Variants in GPM6B observed in about 807,000 individuals in gnomAD.
GPM6B encodes glycoprotein M6B.
A neutral mutation model predicts 27.2 loss-of-function variants in GPM6B; 4 were observed. The ratio of observed to expected loss-of-function variants is 0.15; its 90% CI spans 0.07 to 0.34. The LOEUF (loss-of-function observed/expected upper bound fraction) is 0.34, where lower values mean the gene tolerates loss of function less well. Among genes scored for constraint, GPM6B ranks in the 10% least tolerant of loss-of-function variants. The pLI is 1.00. For missense variants in GPM6B, 183 were observed against 261.9 expected (o/e 0.70, Z 2.08); for synonymous variants, 124 against 103.1 (o/e 1.20, Z -1.23).
intron 2 of GPM6B, among the ~76,000 whole-genome samples, chrX:13,793,658 G>A (rs2048756181): frequency 8.9e-6 from 1 of 112,187 alleles, no homozygotes; most frequent in Admixed American, 9.5e-5. Context: ...TAGAGCAGAG[G>A]TTCTCCATTT....
At chrX:13,905,827 T>G (rs1371791770) in intron 1 of GPM6B, among the ~76,000 whole-genome samples, 1 of 110,860 alleles carries the variant, frequency 9.0e-6, no homozygotes, top group Non-Finnish European at 1.9e-5. Flanking sequence ...TGATCTTGGA[T>G]GTGAGAAGAT....
At chrX:13,877,059 T>C (rs1344875333) in intron 1 of GPM6B, among the ~76,000 whole-genome samples, 1 of 111,102 alleles carries the variant, frequency 9.0e-6, no homozygotes, top group African/African-American at 3.3e-5. Flanking sequence ...GACACTTCCC[T>C]GACCTTACAC....
intron 2 of GPM6B, among the ~76,000 whole-genome samples, chrX:13,786,499 T>C (rs1430858269): frequency 9.0e-6 from 1 of 110,818 alleles, no homozygotes; most frequent in Non-Finnish European, 1.9e-5. Flanking sequence ...TCAGAAATTA[T>C]CTCAAATTTT....
rs763194245 is a variant in GPM6B at position 13,799,190 on chromosome X, A to AT, written c.181+8459dup. Reference sequence around the variant, plus strand: ...CTAGAAACCTCGATTAGCCAACCTAATTTTTTTTTTTTTTTTTTTTTTTTT... The same window carrying AT: ...CTAGAAACCTCGATTAGCCAACCTAATTTTTTTTTTTTTTTTTTTTTTTTTT... On this transcript the variant is annotated intron_variant, in intron 2 of 7. Transcript: ENST00000316715. Among the ~76,000 whole-genome samples the AT allele has an allele frequency of 2.5e-3, 90 of 35,971 alleles. 14 individuals are homozygous for AT. Among genetic ancestry groups the AT allele is most frequent in the Non-Finnish European group, 3.2e-3 (68 of 21,476 alleles). 31.2% of individuals were successfully genotyped at this position (35,971 alleles called of 115,157 possible). A position where few individuals can be genotyped will look rare whatever the true frequency, so the allele number is the denominator to read the frequency against.
chrX:13,841,199 T>A lies in GPM6B; in HGVS notation c.-197-55391A>T, dbSNP rs1219198749. ...CATACTTTCACTTAAATATTTCACATCCTCCTAAACTCAGTATGATAAGTT... is the reference window on the plus strand; with the variant it reads ...CATACTTTCACTTAAATATTTCACAACCTCCTAAACTCAGTATGATAAGTT... On this transcript the variant is annotated intron_variant, in intron 1 of 6. Transcript: ENST00000398361. 6.3e-5 allele frequency among the ~76,000 whole-genome samples: 7 copies of A among 111,853 alleles called. No homozygotes were observed. In the East Asian group the frequency reaches 2.0e-3, roughly 32 times the overall value.
At chrX:13,888,535 C>T (rs2050159103) in intron 1 of GPM6B, among the ~76,000 whole-genome samples, 1 of 111,573 alleles carries the variant, frequency 9.0e-6, no homozygotes, top group Admixed American at 9.5e-5. Flanking sequence ...AGGCTCTCGG[C>T]GAGGGCAAAC....
intron 6 of GPM6B, 147 bp from the exon 7 acceptor site, chrX:13,776,450 C>T (rs1224694199): frequency 4.5e-6 from 2 of 446,355 alleles, no homozygotes; most frequent in African/African-American, 2.4e-5. Context: ...GCTCTGGCCT[C>T]ATGGTGGAAT....
chrX:13,847,883 T>C (rs2049668392), intron 1 of GPM6B, among the ~76,000 whole-genome samples: 2 of 111,952 alleles, frequency 1.8e-5, no homozygotes, highest in Admixed American at 1.9e-4. Flanking sequence ...ATAAAGAAAT[T>C]TAAAGCAGTG....
At chrX:13,785,551 T>C (rs2048594408) in intron 3 of GPM6B, 71 bp downstream of exon 3, 1 of 1,030,940 alleles carries the variant, frequency 9.7e-7, no homozygotes, top group South Asian at 2.1e-5. Flanking sequence ...GCCTCCCAAA[T>C]TGCTGGGATG....
At chrX:13,902,180 C>T (rs2050288201) in intron 1 of GPM6B, among the ~76,000 whole-genome samples, 1 of 111,726 alleles carries the variant, frequency 9.0e-6, no homozygotes, top group South Asian at 3.8e-4. Flanking sequence ...TACAGAAATA[C>T]AAATAAGATC....
intron 1 of GPM6B, among the ~76,000 whole-genome samples, chrX:13,909,120 C>CTTTTTTTTTT (rs368081524): frequency 4.3e-5 from 3 of 69,858 alleles, no homozygotes; most frequent in African/African-American, 1.2e-4. Flanking sequence ...TGTTCATATC[C>CTTTTTTTTTT]TTTTTTTTTT....
intron 6 of GPM6B, 93 bp downstream of exon 6, chrX:13,777,259 T>C: frequency 1.6e-6 from 1 of 631,240 alleles, no homozygotes. Flanking sequence ...CTTAATGGCA[T>C]TTTAACCATC....
Position 13,785,610 on chromosome X carries a change from C to G in GPM6B, c.368+12G>C, listed in dbSNP as rs752742362. On this transcript the variant is annotated intron_variant, in intron 3 of 7. Transcript: ENST00000316715. ...GCCTTAGATGCATTTTTAAAGGGAA[C>G]CGGATACTTACACCTCGCTCAGCAA... 34 of 1,205,775 alleles carry G rather than the reference C, an allele frequency of 2.8e-5. No homozygotes were observed. The Admixed American group carries it at 7.0e-4, about 25-fold the overall frequency.
rs188425002 is a variant in GPM6B, at chrX:13,823,960, C to T, written c.-197-38152G>A. Among the ~76,000 whole-genome samples the T allele has an allele frequency of 5.3e-5, 6 of 112,569 alleles. No homozygotes were observed. The East Asian group carries it at 8.4e-4, about 16-fold the overall frequency. ...AATGGGCACAGCACAGGCAGTACTG[C>T]GGCATGAGGGGGCATGTGCCTCCTC... On this transcript the variant is annotated intron_variant, in intron 1 of 6. Transcript: ENST00000398361.
intron 2 of GPM6B, among the ~76,000 whole-genome samples, chrX:13,802,469 C>T (rs1251847651): frequency 9.0e-6 from 1 of 110,861 alleles, no homozygotes; most frequent in Non-Finnish European, 1.9e-5. Context: ...AACAATATAG[C>T]GCATAAACAA....
intron 1 of GPM6B, among the ~76,000 whole-genome samples, chrX:13,816,573 T>TC (rs954864057): frequency 3.6e-5 from 4 of 110,919 alleles, no homozygotes; most frequent in African/African-American, 1.3e-4. Context: ...AAAGACAGTT[T>TC]CCCCAATGCA....
At chrX:13,806,586 G>C (rs771704437) in intron 2 of GPM6B, among the ~76,000 whole-genome samples, 65 of 111,694 alleles carry the variant, frequency 5.8e-4, no homozygotes, top group African/African-American at 2.0e-3. Context: ...TAAATCCAAC[G>C]TCAGATTTCA....
chrX:13,886,719 T>TAAAAAAA lies in GPM6B; in HGVS notation c.-198+51601_-198+51607dup, dbSNP rs5901522. 2.1e-3 allele frequency among the ~76,000 whole-genome samples: 75 copies of TAAAAAAA among 35,099 alleles called. 6 individuals carry two copies. Among genetic ancestry groups the TAAAAAAA allele is most frequent in the African/African-American group, 0.013 (66 of 5,147 alleles). 30.5% of individuals were successfully genotyped at this position (35,099 alleles called of 115,157 possible). A position where few individuals can be genotyped will look rare whatever the true frequency, so the allele number is the denominator to read the frequency against. ...ACCTCTCTCTACCTTAAGTCACTAC[T>TAAAAAAA]AAAAAAAAAAAAAAAAAAAAAAATC... On this transcript the variant is annotated intron_variant, in intron 1 of 6. Transcript: ENST00000398361.
intron 1 of GPM6B, among the ~76,000 whole-genome samples, chrX:13,892,898 C>A (rs1008489019): frequency 4.5e-5 from 5 of 111,971 alleles, no homozygotes; most frequent in African/African-American, 1.6e-4. Flanking sequence ...AAAATACCTT[C>A]ACCGGGTATG....
Sources: gnomAD v4.1 joint callset for allele counts (sites outside exome capture counted in the v4.1 genomes callset) on GRCh38, gnomAD v4.1.1 for gene constraint, MANE v1.5 for transcripts, NCBI Gene and HGNC (gene_info 2026-07-23, HGNC 2026-07-21) for gene names.